Variants in PRKD1 observed in about 807,000 individuals in gnomAD.
The protein encoded by PRKD1 is protein kinase D1, also known as serine/threonine-protein kinase D1.
In PRKD1, 63 loss-of-function variants were observed where a neutral mutation model predicts 95.9. That is an observed-to-expected ratio of 0.66 (90% CI 0.54 to 0.81). The LOEUF (loss-of-function observed/expected upper bound fraction) is 0.81, where lower values mean the gene tolerates loss of function less well. PRKD1 is among the 30% of genes least tolerant of loss of function. PRKD1 has a pLI of 0.00. For synonymous variants in PRKD1, 425 were observed against 423.1 expected (o/e 1.00, Z -0.05); for missense variants, 1,048 against 1,165.3 (o/e 0.90, Z 1.47).
chr14:29,782,180 T>C lies in PRKD1; in HGVS notation c.265-56506A>G, dbSNP rs542758251. On this transcript the variant is annotated intron_variant, in intron 1 of 17. Transcript: ENST00000331968. ...AAAGGAAAAGAGACATTATCAGTGA[T>C]ACTCTGATGTACTGGTAAACATTTT... 2.6e-5 allele frequency among the ~76,000 whole-genome samples: 4 copies of C among 152,336 alleles called. No homozygotes were observed. The East Asian group carries it at 7.7e-4, about 29-fold the overall frequency.
intron 1 of PRKD1, among the ~76,000 whole-genome samples, chr14:29,807,595 G>A (rs912210338): frequency 5.9e-5 from 9 of 151,506 alleles, no homozygotes; most frequent in African/African-American, 1.7e-4. Flanking sequence ...ATGAGGTTTC[G>A]CCATGTTGTC....
At chr14:29,779,489 A>C (rs1443356355) in intron 1 of PRKD1, among the ~76,000 whole-genome samples, 1 of 152,126 alleles carries the variant, frequency 6.6e-6, no homozygotes, top group Non-Finnish European at 1.5e-5. Context: ...CCTATACACC[A>C]ATAACGGATA....
At chr14:29,756,038 G>GA (rs1164413460) in intron 1 of PRKD1, among the ~76,000 whole-genome samples, 7 of 151,348 alleles carry the variant, frequency 4.6e-5, no homozygotes, top group Admixed American at 1.3e-4. Context: ...AAAGAAATAG[G>GA]AAAAAAAATC....
At chr14:29,825,639 T>G (rs1478693508) in intron 1 of PRKD1, among the ~76,000 whole-genome samples, 1 of 152,162 alleles carries the variant, frequency 6.6e-6, no homozygotes, top group Non-Finnish European at 1.5e-5. Flanking sequence ...TGGTTTCAAC[T>G]GCATTTTAGT....
intron 1 of PRKD1, among the ~76,000 whole-genome samples, chr14:29,890,994 A>G (rs985983713): frequency 1.3e-5 from 2 of 152,190 alleles, no homozygotes; most frequent in African/African-American, 2.4e-5. Context: ...TATACCTGAT[A>G]ATAAAATATC....
chr14:29,641,925 T>A (rs1441453328), intron 4 of PRKD1, among the ~76,000 whole-genome samples: 1 of 143,368 alleles, frequency 7.0e-6, no homozygotes, highest in African/African-American at 2.6e-5. Flanking sequence ...TTTTTTGAGA[T>A]GGAGTTTCGC....
At chr14:29,638,312 C>G in intron 6 of PRKD1, 177 bp downstream of exon 6, 2 of 638,848 alleles carry the variant, frequency 3.1e-6, no homozygotes, top group Non-Finnish European at 5.4e-6. Context: ...TGACTGTTAT[C>G]AAAACTCCAT....
At chr14:29,880,781 C>T (rs554543602) in intron 1 of PRKD1, among the ~76,000 whole-genome samples, 1 of 152,328 alleles carries the variant, frequency 6.6e-6, no homozygotes, top group East Asian at 1.9e-4. Flanking sequence ...TCAGTGTGAC[C>T]TGGATGTGAG....
intron 8 of PRKD1, among the ~76,000 whole-genome samples, chr14:29,633,844 A>G (rs546839609): frequency 1.3e-5 from 2 of 152,306 alleles, no homozygotes; most frequent in African/African-American, 2.4e-5. Flanking sequence ...TCCTATAGGT[A>G]AGAGATGAGA....
At position 29,831,673 on chromosome 14, in the gene PRKD1, T is replaced by A. The variant is rs533520597; in HGVS notation, c.264+95576A>T. On this transcript the variant is annotated intron_variant, in intron 1 of 17. Transcript: ENST00000331968. ...TAGTAGAGATGGGGTTTCACCATGT[T>A]TTTTATTTTCTCATTCTGTTTATGG... 4.6e-5 allele frequency among the ~76,000 whole-genome samples: 7 copies of A among 152,196 alleles called. No individual in the cohort carries two copies. The South Asian group carries it at 1.5e-3, about 32-fold the overall frequency.
intron 1 of PRKD1, among the ~76,000 whole-genome samples, chr14:29,898,939 G>C (rs1337603388): frequency 6.6e-6 from 1 of 152,228 alleles, no homozygotes; most frequent in African/African-American, 2.4e-5. Context: ...CTATGGGCTG[G>C]CAAATTTTAA....
intron 1 of PRKD1, among the ~76,000 whole-genome samples, chr14:29,839,256 G>A (rs1238580122): frequency 6.6e-6 from 1 of 152,196 alleles, no homozygotes; most frequent in Non-Finnish European, 1.5e-5. Flanking sequence ...TTTGCACCCA[G>A]ATCAGCTACA....
intron 2 of PRKD1, among the ~76,000 whole-genome samples, chr14:29,673,126 G>A (rs963103214): frequency 6.6e-6 from 1 of 152,136 alleles, no homozygotes; most frequent in African/African-American, 2.4e-5. Context: ...CCAGGAAGAT[G>A]TTGCTTGAAC....
At chr14:29,711,423 A>G (rs1261489746) in intron 2 of PRKD1, among the ~76,000 whole-genome samples, 1 of 152,122 alleles carries the variant, frequency 6.6e-6, no homozygotes, top group Non-Finnish European at 1.5e-5. Context: ...ACAATATACA[A>G]TGCAAATACA....
chr14:29,736,502 AC>A (rs1197433304), intron 1 of PRKD1, among the ~76,000 whole-genome samples: 2 of 151,948 alleles, frequency 1.3e-5, no homozygotes, highest in African/African-American at 4.8e-5. Flanking sequence ...AAATCTGAAA[AC>A]CCTCATTAAA....
intron 1 of PRKD1, among the ~76,000 whole-genome samples, chr14:29,784,758 C>T (rs1248445072): frequency 6.6e-6 from 1 of 152,106 alleles, no homozygotes; most frequent in Non-Finnish European, 1.5e-5. Context: ...CCTACGGCTA[C>T]AAGAAAAAAC....
At chr14:29,911,320 G>A (rs1407407711) in intron 1 of PRKD1, among the ~76,000 whole-genome samples, 1 of 152,076 alleles carries the variant, frequency 6.6e-6, no homozygotes, top group African/African-American at 2.4e-5. Flanking sequence ...TGTTGAATGT[G>A]GTTGTTCAAA....
At chr14:29,804,007 C>T (rs901506833) in intron 1 of PRKD1, among the ~76,000 whole-genome samples, 13 of 151,916 alleles carry the variant, frequency 8.6e-5, no homozygotes, top group South Asian at 2.1e-4. Flanking sequence ...TTTGGGAGGC[C>T]GAGGGGGGCG....
In PRKD1 at chr14:29,905,045, C is replaced by A. The variant is rs562081790; in HGVS notation, c.264+22204G>T. On this transcript the variant is annotated intron_variant, in intron 1 of 17. Coordinates refer to ENST00000331968, the MANE Select transcript of PRKD1 (RefSeq NM_002742.3). Reference sequence around the variant, plus strand: ...AAACTGATTTTCAGGTACACCACAACGGGAATTACTGGACTGTGGTCTGCC... The same window carrying A: ...AAACTGATTTTCAGGTACACCACAAAGGGAATTACTGGACTGTGGTCTGCC... Among the ~76,000 whole-genome samples, 4 of 152,148 alleles carry A rather than the reference C, an allele frequency of 2.6e-5. No homozygotes were observed. In the East Asian group the frequency reaches 5.8e-4, roughly 22 times the overall value.
Sources: gnomAD v4.1 joint callset for allele counts (sites outside exome capture counted in the v4.1 genomes callset) on GRCh38, gnomAD v4.1.1 for gene constraint, MANE v1.5 for transcripts, NCBI Gene and HGNC (gene_info 2026-07-23, HGNC 2026-07-21) for gene names.